The following ASB18 variants were observed in gnomAD, a reference collection of about 807,000 sequenced individuals.
ASB18 encodes the protein ankyrin repeat and SOCS box protein 18.
A neutral mutation model predicts 33.4 loss-of-function variants in ASB18; 33 were observed. The observed-to-expected ratio is 0.99, with a 90% CI of 0.75 to 1.32. The LOEUF is 1.32. Among genes scored for constraint, ASB18 ranks in the 40% most tolerant of loss-of-function variants. The probability of loss-of-function intolerance (pLI) is 0.00; values close to 1 mark genes in which losing one functional copy is unlikely to be tolerated. For synonymous variants in ASB18, 295 were observed against 307.6 expected (o/e 0.96, Z 0.43); for missense variants, 694 against 655.5 (o/e 1.06, Z -0.64).
At position 236,213,999 on chromosome 2, in the gene ASB18, T is replaced by G. The variant is rs554213607; in HGVS notation, c.1101+363A>C. The G allele has an allele frequency of 2.3e-4, 50 of 221,374 alleles. No individual in the cohort carries two copies. The highest frequency in any genetic ancestry group is 1.1e-3 in the African/African-American group (50 of 43,716). The allele number at this position is 221,374 out of a possible 1,614,324, so 13.7% of individuals were successfully genotyped here. A position where few individuals can be genotyped will look rare whatever the true frequency, so the allele number is the denominator to read the frequency against. ...CACTGATGATGAGCTGCCAAAATAT[T>G]TTGAGCTCTGACTGCATCATCGAAA... On this transcript the variant is annotated intron_variant, in intron 4 of 5. Transcript: ENST00000409749. The surrounding 1 kb of genome is among the most constrained non-coding windows in gnomAD (Gnocchi z 4.8).
rs2060580379 is a variant in ASB18, at chr2:236,234,586, T to G, written c.596+3103A>C. 6.6e-6 allele frequency among the ~76,000 whole-genome samples: 1 copy of G among 152,220 alleles called. No homozygotes were observed. The highest frequency in any genetic ancestry group is 2.4e-5 in the African/African-American group (1 of 41,450). On this transcript the variant is annotated intron_variant, in intron 3 of 5. Transcript: ENST00000409749. This position sits in a 1 kb window ranked among gnomAD's most constrained non-coding sequence, Gnocchi z 4.1. ...GACTTTGCCCTGCTTTGCACATGCT[T>G]GACAAGAGAGCTCAGAAATAAACTC...
Position 236,195,110 on chromosome 2 carries a change from G to A in ASB18, c.1216-53C>T, listed in dbSNP as rs533883903. The stretch of plus-strand genomic sequence containing the variant: ...ATCTGGGCACGTGGAACCAACATAC[G>A]TTTTCTTCTTAGCCAGACCACTGAT... On this transcript the variant is annotated intron_variant, in intron 5 of 5. Transcript: ENST00000409749. This position sits in a 1 kb window ranked among gnomAD's most constrained non-coding sequence, Gnocchi z 5.5. 62 of 1,526,118 alleles carry A rather than the reference G, an allele frequency of 4.1e-5. No homozygotes were observed. Among genetic ancestry groups the A allele is most frequent in the South Asian group, 3.3e-4 (27 of 81,090 alleles). The allele number at this position is 1,526,118 out of a possible 1,614,324, so 94.5% of individuals were successfully genotyped here. A position where few individuals can be genotyped will look rare whatever the true frequency, so the allele number is the denominator to read the frequency against.
rs11894483 is a variant in ASB18, at chr2:236,205,976, T to C, written c.1101+8386A>G. 0.17 allele frequency among the ~76,000 whole-genome samples: 26,158 copies of C among 152,180 alleles called. 2,266 individuals are homozygous for C. Among genetic ancestry groups the C allele is most frequent in the South Asian group, 0.25 (1,199 of 4,816 alleles). ...TAGAACATTTTTGTTAGAATGTATA[T>C]AGGTATGTGCCTCCTGTCATTGATT... On this transcript the variant is annotated intron_variant, in intron 4 of 5. Coordinates refer to ENST00000409749, the MANE Select transcript of ASB18 (RefSeq NM_212556.4). The surrounding 1 kb of genome is among the most constrained non-coding windows in gnomAD (Gnocchi z 5.4).
Position 236,200,494 on chromosome 2 carries a change from G to A in ASB18, c.1102-4109C>T, listed in dbSNP as rs1310023600. On this transcript the variant is annotated intron_variant, in intron 4 of 5. Coordinates refer to ENST00000409749, the MANE Select transcript of ASB18 (RefSeq NM_212556.4). The surrounding 1 kb of genome is among the most constrained non-coding windows in gnomAD (Gnocchi z 4.2). Reference sequence around the variant, plus strand: ...TCGTGGCAGAGGTATTACCACCCTGGGCTGAAGGGCCAGTCAGGTGAGCTG... The same window carrying A: ...TCGTGGCAGAGGTATTACCACCCTGAGCTGAAGGGCCAGTCAGGTGAGCTG... 1.3e-5 allele frequency among the ~76,000 whole-genome samples: 2 copies of A among 152,226 alleles called. No individual in the cohort carries two copies. The highest frequency in any genetic ancestry group is 2.4e-5 in the African/African-American group (1 of 41,460).
In ASB18 at chr2:236,214,080, T is replaced by C; in HGVS notation, c.1101+282A>G. On this transcript the variant is annotated intron_variant, in intron 4 of 5. Coordinates refer to ENST00000409749, the MANE Select transcript of ASB18 (RefSeq NM_212556.4). The surrounding 1 kb of genome is among the most constrained non-coding windows in gnomAD (Gnocchi z 6.5). ...ACTTTGAAAGGATGCATTCTTCACATGCAACCCCTTAATTGTCTCGTGGCT... is the reference window on the plus strand; with the variant it reads ...ACTTTGAAAGGATGCATTCTTCACACGCAACCCCTTAATTGTCTCGTGGCT... The C allele has an allele frequency of 2.3e-6, 1 of 442,462 alleles. No homozygotes were observed. Among genetic ancestry groups the C allele is most frequent in the Non-Finnish European group, 4.0e-6 (1 of 251,020 alleles). The allele number at this position is 442,462 out of a possible 1,614,324, so 27.4% of individuals were successfully genotyped here. A position where few individuals can be genotyped will look rare whatever the true frequency, so the allele number is the denominator to read the frequency against.
intron 3 of ASB18, among the ~76,000 whole-genome samples, chr2:236,230,733 A>G (rs2060560293): frequency 6.6e-6 from 1 of 151,640 alleles, no homozygotes; most frequent in Non-Finnish European, 1.5e-5. Context: ...AGTTATATCT[A>G]GTAAGCCAAA....
In ASB18 at chr2:236,219,165, C is replaced by T. The variant is rs1010752935; in HGVS notation, c.597-4299G>A. Reference sequence around the variant, plus strand: ...TGTTGAGATTACAGGCATGAGCCACCGTGCCCTGCCAAAAAACCTAGAAAT... The same window carrying T: ...TGTTGAGATTACAGGCATGAGCCACTGTGCCCTGCCAAAAAACCTAGAAAT... On this transcript the variant is annotated intron_variant, in intron 3 of 5. Transcript: ENST00000409749. This position sits in a 1 kb window ranked among gnomAD's most constrained non-coding sequence, Gnocchi z 6.4. Among the ~76,000 whole-genome samples, 1 of 152,198 alleles carries T rather than the reference C, an allele frequency of 6.6e-6. No individual in the cohort carries two copies. The highest frequency in any genetic ancestry group is 1.5e-5 in the Non-Finnish European group (1 of 68,010).
chr2:236,259,231 T>C lies in ASB18; in HGVS notation c.205+4910A>G, dbSNP rs969721307. 6.6e-6 allele frequency among the ~76,000 whole-genome samples: 1 copy of C among 152,152 alleles called. No homozygotes were observed. Among genetic ancestry groups the C allele is most frequent in the Admixed American group, 6.5e-5 (1 of 15,278 alleles). Reference sequence around the variant, plus strand: ...TTCTTTGCAGAAACCCAAATCCCAATAGTGTCTGTGGAAATGCAGTCTGTG... The same window carrying C: ...TTCTTTGCAGAAACCCAAATCCCAACAGTGTCTGTGGAAATGCAGTCTGTG... On this transcript the variant is annotated intron_variant, in intron 1 of 5. Transcript: ENST00000409749. The surrounding 1 kb of genome is among the most constrained non-coding windows in gnomAD (Gnocchi z 4.4).
At position 236,196,513 on chromosome 2, in the gene ASB18, G is replaced by A. The variant is rs1576391660; in HGVS notation, c.1102-128C>T. 1.6e-6 allele frequency: 1 copy of A among 640,460 alleles called. No individual in the cohort carries two copies. Among genetic ancestry groups the A allele is most frequent in the South Asian group, 1.8e-5 (1 of 54,746 alleles). The allele number at this position is 640,460 out of a possible 1,614,324, so 39.7% of individuals were successfully genotyped here. The stretch of plus-strand genomic sequence containing the variant: ...CCTCCCTACGCCCAAGCCACACAGG[G>A]AACAGCAACAGAGCAGTACCACAGG... On this transcript the variant is annotated intron_variant, in intron 4 of 5. Transcript: ENST00000409749. This position sits in a 1 kb window ranked among gnomAD's most constrained non-coding sequence, Gnocchi z 5.6.
chr2:236,251,160 G>A lies in ASB18; in HGVS notation c.206-9758C>T, dbSNP rs28402728. Among the ~76,000 whole-genome samples, 380 of 152,278 alleles carry A rather than the reference G, an allele frequency of 2.5e-3. 2 individuals are homozygous for A. Among genetic ancestry groups the A allele is most frequent in the African/African-American group, 8.6e-3 (356 of 41,548 alleles). On this transcript the variant is annotated intron_variant, in intron 1 of 5. Transcript: ENST00000409749. The surrounding 1 kb of genome is among the most constrained non-coding windows in gnomAD (Gnocchi z 5.3). ...TGATCTTATCCAAAGGTCAAGTGCCGCTTTCATTGGCAGCCCAGGAGGGCT... is the reference window on the plus strand; with the variant it reads ...TGATCTTATCCAAAGGTCAAGTGCCACTTTCATTGGCAGCCCAGGAGGGCT...
chr2:236,207,384 G>A (rs934451994), intron 4 of ASB18, among the ~76,000 whole-genome samples: 1 of 152,172 alleles, frequency 6.6e-6, no homozygotes, highest in Non-Finnish European at 1.5e-5. Flanking sequence ...CTGTTTCGAT[G>A]AATCCCACAA....
At position 236,214,806 on chromosome 2, in the gene ASB18, C is replaced by T; in HGVS notation, c.657G>A (p.Arg219=). 1 of 1,209,958 alleles carries T rather than the reference C, an allele frequency of 8.3e-7. No homozygotes were observed. 75.0% of individuals were successfully genotyped at this position (1,209,958 alleles called of 1,614,324 possible). Residue 219 remains arginine (R), a synonymous_variant, in exon 4 of 6, where the codon CGG becomes CGA. Coordinates refer to ENST00000409749, the MANE Select transcript of ASB18 (RefSeq NM_212556.4). The surrounding 1 kb of genome is among the most constrained non-coding windows in gnomAD (Gnocchi z 6.5). ...GCGCCGCCACGTGCAGCGGCGTGTC[C>T]CGGCCCGTGCCGCCCACGCGCTGCA... The part of the protein sequence containing the change: ...ASVQRVGGTG[R]DTPLHVAAQR...
In ASB18 at chr2:236,260,440, G is replaced by C. The variant is rs542650555; in HGVS notation, c.205+3701C>G. Among the ~76,000 whole-genome samples the C allele has an allele frequency of 6.6e-6, 1 of 152,292 alleles. No individual in the cohort carries two copies. Among genetic ancestry groups the C allele is most frequent in the African/African-American group, 2.4e-5 (1 of 41,568 alleles). ...CTGCATTTCAAGGTCATTGCCATAA[G>C]TTTTGACCACTGTTCAAAAATTGTA... On this transcript the variant is annotated intron_variant, in intron 1 of 5. Coordinates refer to ENST00000409749, the MANE Select transcript of ASB18 (RefSeq NM_212556.4). This position sits in a 1 kb window ranked among gnomAD's most constrained non-coding sequence, Gnocchi z 5.1.
Position 236,249,682 on chromosome 2 carries a change from A to C in ASB18, c.206-8280T>G, listed in dbSNP as rs2060660699. On this transcript the variant is annotated intron_variant, in intron 1 of 5. Transcript: ENST00000409749. This position sits in a 1 kb window ranked among gnomAD's most constrained non-coding sequence, Gnocchi z 4.6. ...TTCAAATGGTGTACTTATTTGACAG[A>C]GGAAGCTTATTTGTGTGGGTGGACC... The C allele has an allele frequency of 6.6e-6, 1 of 152,310 alleles. No individual in the cohort carries two copies. Among genetic ancestry groups the C allele is most frequent in the African/African-American group, 2.4e-5 (1 of 41,556 alleles). 9.4% of individuals were successfully genotyped at this position (152,310 alleles called of 1,614,324 possible). A position where few individuals can be genotyped will look rare whatever the true frequency, so the allele number is the denominator to read the frequency against.
rs1270140581 is a variant in ASB18 at position 236,238,934 on chromosome 2, TA to T, written c.329-979del. On this transcript the variant is annotated intron_variant, in intron 2 of 5. Transcript: ENST00000409749. This position sits in a 1 kb window ranked among gnomAD's most constrained non-coding sequence, Gnocchi z 5.2. ...CAGCCTTGAAAGTCCATTCATTAAT[TA>T]CCTACCCGCATGTGGTGCCGAGTTC... Among the ~76,000 whole-genome samples the T allele has an allele frequency of 6.6e-6, 1 of 152,176 alleles. No individual in the cohort carries two copies. The highest frequency in any genetic ancestry group is 2.4e-5 in the African/African-American group (1 of 41,434).
rs1553600513 is a variant in ASB18 at position 236,217,424 on chromosome 2, A to AAAT, written c.597-2559_597-2558insATT. Among the ~76,000 whole-genome samples, 1 of 150,304 alleles carries AAAT rather than the reference A, an allele frequency of 6.7e-6. No homozygotes were observed. Reference sequence around the variant, plus strand: ...CGAGACTCTGTCTCAAAAAAAAAAAAAAATAAATCTTGGCACCTTCAACTC... The same window carrying AAAT: ...CGAGACTCTGTCTCAAAAAAAAAAAAAATAAATAAATCTTGGCACCTTCAACTC... On this transcript the variant is annotated intron_variant, in intron 3 of 5. Transcript: ENST00000409749. This position sits in a 1 kb window ranked among gnomAD's most constrained non-coding sequence, Gnocchi z 5.2.
intron 3 of ASB18, among the ~76,000 whole-genome samples, chr2:236,232,469 G>T (rs1353387857): frequency 6.6e-6 from 1 of 151,926 alleles, no homozygotes; most frequent in African/African-American, 2.4e-5. Flanking sequence ...AACTCAATGT[G>T]AGCAAAGAAA....
Position 236,214,975 on chromosome 2 carries a change from G to T in ASB18, c.597-109C>A. On this transcript the variant is annotated intron_variant, in intron 3 of 5. Transcript: ENST00000409749. The surrounding 1 kb of genome is among the most constrained non-coding windows in gnomAD (Gnocchi z 6.5). ...AAGTGACCTCTGAATGAAAAGACATGCTCCGCTCTCCCATACCAAGGCGTC... is the reference window on the plus strand; with the variant it reads ...AAGTGACCTCTGAATGAAAAGACATTCTCCGCTCTCCCATACCAAGGCGTC... 2 of 817,878 alleles carry T rather than the reference G, an allele frequency of 2.4e-6. No individual in the cohort carries two copies. Among genetic ancestry groups the T allele is most frequent in the South Asian group, 6.2e-5 (1 of 16,228 alleles). 50.7% of individuals were successfully genotyped at this position (817,878 alleles called of 1,614,324 possible). A position where few individuals can be genotyped will look rare whatever the true frequency, so the allele number is the denominator to read the frequency against.
At position 236,262,886 on chromosome 2, in the gene ASB18, G is replaced by C. The variant is rs150552681; in HGVS notation, c.205+1255C>G. On this transcript the variant is annotated intron_variant, in intron 1 of 5. Transcript: ENST00000409749. The surrounding 1 kb of genome is among the most constrained non-coding windows in gnomAD (Gnocchi z 5.2). ...CCCAGAAAGTAGACCCAAACCAAGG[G>C]GGGGGGGCGGACCCCCTCGGAAGTT... Among the ~76,000 whole-genome samples, 11 of 152,100 alleles carry C rather than the reference G, an allele frequency of 7.2e-5. No homozygotes were observed. In the East Asian group the frequency reaches 1.8e-3, roughly 24 times the overall value.
Sources: gnomAD v4.1 joint callset for allele counts (sites outside exome capture counted in the v4.1 genomes callset) on GRCh38, gnomAD v4.1.1 for gene constraint, Gnocchi (gnomAD v3.1) non-coding constraint, MANE v1.5 for transcripts, NCBI Gene and HGNC (gene_info 2026-07-23, HGNC 2026-07-21) for gene names.